Variants in DIO2 observed in about 807,000 individuals in gnomAD.
DIO2 encodes iodothyronine deiodinase 2, also known as type II iodothyronine deiodinase.
Under a neutral mutation model 21.4 loss-of-function variants are expected in DIO2, and 19 were observed. The observed-to-expected ratio is 0.89, with a 90% CI of 0.62 to 1.30. The LOEUF is 1.30. Ranked by LOEUF, DIO2 falls within the 50% of genes most tolerant of loss-of-function variation. The pLI, the probability that DIO2 is intolerant of heterozygous loss-of-function variation, is 0.00. For missense variants in DIO2, 302 were observed against 338.1 expected, an observed-to-expected ratio of 0.89 and a Z score of 0.84; for synonymous variants, 122 against 132.9, an observed-to-expected ratio of 0.92 and a Z score of 0.57.
intron 1 of DIO2, among the ~76,000 whole-genome samples, chr14:80,206,827 G>A (rs956397059): frequency 6.6e-6 from 1 of 152,110 alleles, no homozygotes; most frequent in Admixed American, 6.6e-5. Flanking sequence ...TGCCAAAGAG[G>A]CATTCAAAAG....
chr14:80,218,743 C>A (rs568306890), intron 2 of DIO2, among the ~76,000 whole-genome samples: 1 of 152,240 alleles, frequency 6.6e-6, no homozygotes, highest in South Asian at 2.1e-4. Context: ...TTTGGGAGGC[C>A]AAGGTGGGTG....
chr14:80,217,653 A>T (rs1211104892), intron 2 of DIO2, among the ~76,000 whole-genome samples: 2 of 152,194 alleles, frequency 1.3e-5, no homozygotes, highest in Admixed American at 6.5e-5. Context: ...TTCAAAACAG[A>T]TGTACAAACA....
chr14:80,203,171 G>C lies in DIO2; in HGVS notation c.340C>G (p.Leu114Val). Residue 114 changes from leucine to valine, a missense_variant, in exon 2 of 2, where the codon CTT becomes GTT. By Grantham distance (32) the Leu-to-Val change is conservative. Coordinates refer to ENST00000438257, the MANE Select transcript of DIO2 (RefSeq NM_013989.5). ...CGCTCAGGGCTGGCAAAGTCAAGAA[G>C]GTGGCATGTGGCTCCCTCAGCTATC... ...EKIAEGATCHLLDFASPERPL... is the reference protein window; with the variant it reads ...EKIAEGATCHVLDFASPERPL... 6.2e-7 allele frequency: 1 copy of C among 1,611,488 alleles called. No individual in the cohort carries two copies. Among genetic ancestry groups the C allele is most frequent in the Middle Eastern group, 1.7e-4 (1 of 6,056 alleles).
intron 1 of DIO2, among the ~76,000 whole-genome samples, chr14:80,208,033 G>A (rs1275085077): frequency 6.6e-6 from 1 of 152,174 alleles, no homozygotes; most frequent in Non-Finnish European, 1.5e-5. Flanking sequence ...TATTAACCGT[G>A]CAGAAGCTAA....
In DIO2 at chr14:80,201,666, T is replaced by C. The variant is rs1487272599; in HGVS notation, c.*1023A>G. 1 of 152,160 alleles carries C rather than the reference T, an allele frequency of 6.6e-6. No homozygotes were observed. Among genetic ancestry groups the C allele is most frequent in the Admixed American group, 6.5e-5 (1 of 15,268 alleles). 9.4% of individuals were successfully genotyped at this position (152,160 alleles called of 1,614,324 possible). Reference sequence around the variant, plus strand: ...ACTGGTTTTCCTTTAATAGGTATCATGGGGTATAATTAACCCACTGAAAAT... The same window carrying C: ...ACTGGTTTTCCTTTAATAGGTATCACGGGGTATAATTAACCCACTGAAAAT... On this transcript the variant is annotated 3_prime_UTR_variant, in exon 2 of 2. Coordinates refer to ENST00000438257, the MANE Select transcript of DIO2 (RefSeq NM_013989.5).
At position 80,198,944 on chromosome 14, in the gene DIO2, C is replaced by T. The variant is rs939743981; in HGVS notation, c.*3745G>A. 2 of 152,142 alleles carry T rather than the reference C, an allele frequency of 1.3e-5. No individual in the cohort carries two copies. The highest frequency in any genetic ancestry group is 4.8e-5 in the African/African-American group (2 of 41,430). The allele number at this position is 152,142 out of a possible 1,614,324, so 9.4% of individuals were successfully genotyped here. ...TCTACATTTTTCCTTTTTCAATGGT[C>T]ATATGATCCTAATTAAAGTTATTTT... is the stretch of plus-strand genomic sequence containing the variant. On this transcript the variant is annotated 3_prime_UTR_variant, in exon 2 of 2. Coordinates refer to ENST00000438257, the MANE Select transcript of DIO2 (RefSeq NM_013989.5).
chr14:80,230,357 A>G (rs1387814970), intron 2 of DIO2, among the ~76,000 whole-genome samples: 2 of 152,164 alleles, frequency 1.3e-5, no homozygotes, highest in African/African-American at 2.4e-5. Flanking sequence ...CTCGTATAAT[A>G]TGAGCTTGTG....
At chr14:80,218,171 C>T (rs958495004) in intron 2 of DIO2, among the ~76,000 whole-genome samples, 2 of 151,930 alleles carry the variant, frequency 1.3e-5, no homozygotes, top group African/African-American at 2.4e-5. Context: ...TCTAATAAGA[C>T]CTTCTTTGTA....
At chr14:80,219,562 G>A (rs1300411492) in intron 2 of DIO2, 2 of 143,522 alleles carry the variant, frequency 1.4e-5, no homozygotes, top group Non-Finnish European at 3.0e-5. Flanking sequence ...AACATTTGTC[G>A]AAAGCTACAA....
intron 2 of DIO2, among the ~76,000 whole-genome samples, chr14:80,216,950 G>A (rs965035753): frequency 2.0e-5 from 3 of 152,136 alleles, no homozygotes; most frequent in South Asian, 4.1e-4. Context: ...TCCCTCATAT[G>A]CTGAAAATGT....
At position 80,199,685 on chromosome 14, in the gene DIO2, C is replaced by T. The variant is rs1376149722; in HGVS notation, c.*3004G>A. On this transcript the variant is annotated 3_prime_UTR_variant, in exon 2 of 2. Transcript: ENST00000438257. ...TTCAAACAATAAGTGTTTGAGTAGACCCAGATGTTATGATAATATCTAAAA... is the reference window on the plus strand; with the variant it reads ...TTCAAACAATAAGTGTTTGAGTAGATCCAGATGTTATGATAATATCTAAAA... 1 of 152,460 alleles carries T rather than the reference C, an allele frequency of 6.6e-6. No homozygotes were observed. Among genetic ancestry groups the T allele is most frequent in the Non-Finnish European group, 1.5e-5 (1 of 68,018 alleles). The allele number at this position is 152,460 out of a possible 1,614,324, so 9.4% of individuals were successfully genotyped here.
upstream of DIO2, among the ~76,000 whole-genome samples, chr14:80,212,351 A>G (rs1428515488): frequency 6.6e-6 from 1 of 151,794 alleles, no homozygotes; most frequent in Non-Finnish European, 1.5e-5. Context: ...TTTTTTTAGA[A>G]GGGGTTGGGG....
Position 80,202,220 on chromosome 14 carries a change from C to A in DIO2, c.*469G>T. 2.1e-6 allele frequency: 1 copy of A among 485,412 alleles called. No homozygotes were observed. The highest frequency in any genetic ancestry group is 4.1e-6 in the Non-Finnish European group (1 of 244,776). 30.1% of individuals were successfully genotyped at this position (485,412 alleles called of 1,614,324 possible). A position where few individuals can be genotyped will look rare whatever the true frequency, so the allele number is the denominator to read the frequency against. ...TTAACACCAACGTCTAACCACATGGCCTGGGTTCAAGGACTTGTTGTAATA... is the reference window on the plus strand; with the variant it reads ...TTAACACCAACGTCTAACCACATGGACTGGGTTCAAGGACTTGTTGTAATA... On this transcript the variant is annotated 3_prime_UTR_variant, in exon 2 of 2. Coordinates refer to ENST00000438257, the MANE Select transcript of DIO2 (RefSeq NM_013989.5).
intron 1 of DIO2, among the ~76,000 whole-genome samples, chr14:80,209,186 G>T (rs1888067301): frequency 1.3e-5 from 2 of 152,056 alleles, no homozygotes. Context: ...TCCATTTTAT[G>T]TTCAATAAGC....
chr14:80,228,166 G>A (rs747187935), intron 2 of DIO2, among the ~76,000 whole-genome samples: 5 of 152,188 alleles, frequency 3.3e-5, no homozygotes, highest in East Asian at 1.9e-4. Flanking sequence ...AGGTTGCTCC[G>A]AATAAGATTA....
chr14:80,219,504 C>T (rs1051796553), intron 2 of DIO2: 3 of 142,036 alleles, frequency 2.1e-5, no homozygotes, highest in African/African-American at 8.1e-5. Context: ...AACTGTAAGT[C>T]ATTTTTTTTT....
At chr14:80,220,861 C>T (rs947224685) in intron 2 of DIO2, among the ~76,000 whole-genome samples, 21 of 152,024 alleles carry the variant, frequency 1.4e-4, no homozygotes, top group African/African-American at 4.8e-4. Flanking sequence ...ATTGTATAGG[C>T]CATCTCAAGA....
rs1189329922 is a variant in DIO2, at chr14:80,202,428, T to C, written c.*261A>G. 10 of 701,306 alleles carry C rather than the reference T, an allele frequency of 1.4e-5. No individual in the cohort carries two copies. Among genetic ancestry groups the C allele is most frequent in the Non-Finnish European group, 2.4e-5 (9 of 378,700 alleles). 43.4% of individuals were successfully genotyped at this position (701,306 alleles called of 1,614,324 possible). On this transcript the variant is annotated 3_prime_UTR_variant, in exon 2 of 2. Coordinates refer to ENST00000438257, the MANE Select transcript of DIO2 (RefSeq NM_013989.5). ...AATGCAGAATGAACACATGCTGAAT[T>C]AGCGTTTCTTCCTCTCCATCTTGGG...
Position 80,227,599 on chromosome 14 carries a change from C to T in DIO2, c.-277-10862G>A, listed in dbSNP as rs562882823. Among the ~76,000 whole-genome samples, 4 of 152,320 alleles carry T rather than the reference C, an allele frequency of 2.6e-5. No homozygotes were observed. The East Asian group carries it at 7.7e-4, about 29-fold the overall frequency. On this transcript the variant is annotated intron_variant, in intron 2 of 4. Transcript: ENST00000553594. The stretch of plus-strand genomic sequence containing the variant: ...GGCAGGGCCATGCTCCAAAATCCTA[C>T]AGGCCTCTGCTGTGATTCACCTATG...
Sources: gnomAD v4.1 joint callset for allele counts (sites outside exome capture counted in the v4.1 genomes callset) on GRCh38, gnomAD v4.1.1 for gene constraint, MANE v1.5 for transcripts, NCBI Gene and HGNC (gene_info 2026-07-23, HGNC 2026-07-21) for gene names.